EEF2K: variants seen among roughly 807,000 people sequenced by gnomAD.
EEF2K encodes eukaryotic elongation factor 2 kinase.
A neutral mutation model predicts 93.8 loss-of-function variants in EEF2K; 70 were observed. That is an observed-to-expected ratio of 0.75 (90% CI 0.62 to 0.91). The LOEUF (loss-of-function observed/expected upper bound fraction) is 0.91. Among genes scored for constraint, EEF2K ranks in the 40% least tolerant of loss-of-function variants. The probability of loss-of-function intolerance (pLI) is 0.00; values close to 1 mark genes in which losing one functional copy is unlikely to be tolerated. For missense variants in EEF2K, 935 were observed against 972.9 expected (o/e 0.96, Z 0.52); for synonymous variants, 376 against 380.8 (o/e 0.99, Z 0.15).
chr16:22,224,132 G>A (rs1253455895), intron 1 of EEF2K, among the ~76,000 whole-genome samples: 1 of 151,982 alleles, frequency 6.6e-6, no homozygotes, highest in Non-Finnish European at 1.5e-5. Context: ...GCTTGAACTC[G>A]GGAGGCGGAA....
intron 3 of EEF2K, among the ~76,000 whole-genome samples, chr16:22,248,157 C>T (rs748357987): frequency 5.3e-5 from 8 of 152,080 alleles, no homozygotes; most frequent in Non-Finnish European, 8.8e-5. Flanking sequence ...CTCCGCCTCC[C>T]GGGTTCAAGC....
intron 2 of EEF2K, among the ~76,000 whole-genome samples, chr16:22,232,658 G>T (rs944502426): frequency 8.5e-5 from 13 of 152,196 alleles, no homozygotes; most frequent in African/African-American, 3.1e-4. Context: ...CTGACTGCAA[G>T]AGTAGGGTTG....
At chr16:22,226,517 C>CTTTTTTTTTTTTTTTTTTT (rs553013823) in intron 2 of EEF2K, among the ~76,000 whole-genome samples, 28 of 106,868 alleles carry the variant, frequency 2.6e-4, no homozygotes, top group African/African-American at 5.9e-4. Context: ...CCTTCTTCTT[C>CTTTTTTTTTTTTTTTTTTT]TTTTTTTTTT....
intron 16 of EEF2K, among the ~76,000 whole-genome samples, chr16:22,278,041 T>TA (rs372830252): frequency 9.2e-5 from 14 of 151,898 alleles, no homozygotes; most frequent in South Asian, 6.2e-4. Flanking sequence ...TGTGTCTCTA[T>TA]AAAAAAATTT....
rs560137961 is a variant in EEF2K at position 22,260,002 on chromosome 16, C to A, written c.1232-460C>A. On this transcript the variant is annotated intron_variant, in intron 10 of 17. Transcript: ENST00000263026. ...TCCTGACCTCAGGTGATCCACCTGC[C>A]TCGGCCTCCCATAGTTCTGGGATTA... 1.3e-5 allele frequency among the ~76,000 whole-genome samples: 2 copies of A among 152,280 alleles called. 1 individual carries two copies. The highest frequency in any genetic ancestry group is 2.9e-5 in the Non-Finnish European group (2 of 68,018).
Position 22,248,762 on chromosome 16 carries a change from G to A in EEF2K, c.355G>A (p.Ala119Thr), listed in dbSNP as rs1451831528. The change falls in exon 4 of 18, where the codon GCC becomes ACC. Residue 119 changes from alanine to threonine, a missense_variant. By Grantham distance (58) the Ala-to-Thr change is moderately conservative. Coordinates refer to ENST00000263026, the MANE Select transcript of EEF2K (RefSeq NM_013302.5). Reference sequence around the variant, plus strand: ...GTGGATGGGTCTCTGCAGGTACAACGCCGTCACCGGGGAATGGCTGGATGA... The same window carrying A: ...GTGGATGGGTCTCTGCAGGTACAACACCGTCACCGGGGAATGGCTGGATGA... ...TERATRHRYN[A>T]VTGEWLDDEV... 8.1e-6 allele frequency: 13 copies of A among 1,613,778 alleles called. No individual in the cohort carries two copies. Among genetic ancestry groups the A allele is most frequent in the African/African-American group, 1.3e-5 (1 of 74,890 alleles).
chr16:22,220,999 T>A (rs2047006604), intron 1 of EEF2K, among the ~76,000 whole-genome samples: 1 of 152,202 alleles, frequency 6.6e-6, no homozygotes, highest in Admixed American at 6.6e-5. Flanking sequence ...GGGAAGATTC[T>A]GGTGACAAGC....
At chr16:22,266,203 T>C (rs1363230170) in intron 13 of EEF2K, among the ~76,000 whole-genome samples, 187 bp from the exon 14 acceptor site, 1 of 149,966 alleles carries the variant, frequency 6.7e-6, no homozygotes, top group Non-Finnish European at 1.5e-5. Context: ...ACCTGGGCAA[T>C]AGAGTGAGAC....
At chr16:22,210,058 G>T (rs1349945260) in intron 1 of EEF2K, among the ~76,000 whole-genome samples, 1 of 152,208 alleles carries the variant, frequency 6.6e-6, no homozygotes, top group Non-Finnish European at 1.5e-5. Flanking sequence ...GCCTCCCAAA[G>T]TGTTAGGATC....
chr16:22,226,057 T>C, intron 2 of EEF2K, 82 bp downstream of exon 2: 1 of 1,560,366 alleles, frequency 6.4e-7, no homozygotes, highest in Non-Finnish European at 8.7e-7. Context: ...GGTTGGGGAC[T>C]TCTTCGTATT....
chr16:22,283,790 C>A (rs557499974), intron 17 of EEF2K, 97 bp from the exon 18 acceptor site: 2 of 1,188,332 alleles, frequency 1.7e-6, no homozygotes, highest in Non-Finnish European at 2.4e-6. Context: ...CTTAAGGAAA[C>A]GTCAGGGTGT....
intron 5 of EEF2K, 93 bp downstream of exon 5, chr16:22,250,784 G>C: frequency 6.5e-7 from 1 of 1,532,316 alleles, no homozygotes. Flanking sequence ...CCAAGGAATG[G>C]AGCCAGGGGC....
intron 13 of EEF2K, 58 bp from the exon 14 acceptor site, chr16:22,266,332 C>A (rs2047517429): frequency 1.9e-6 from 3 of 1,565,408 alleles, no homozygotes. Flanking sequence ...CTGCTGACAG[C>A]TGTGATGCTG....
chr16:22,280,878 G>C (rs1226552082), intron 17 of EEF2K, among the ~76,000 whole-genome samples: 1 of 152,108 alleles, frequency 6.6e-6, no homozygotes, highest in Non-Finnish European at 1.5e-5. Flanking sequence ...GGCCAGGCTG[G>C]TCTCGAACTC....
At position 22,286,256 on chromosome 16, in the gene EEF2K, T is replaced by C. The variant is rs1567295433; in HGVS notation, c.*2260T>C. On this transcript the variant is annotated 3_prime_UTR_variant, in exon 18 of 18. Transcript: ENST00000263026. ...GTTACATTTTGTGTGTGTGTGTGCGTGTTTTAAACCAGTGCATATAAATTG... is the reference window on the plus strand; with the variant it reads ...GTTACATTTTGTGTGTGTGTGTGCGCGTTTTAAACCAGTGCATATAAATTG... 1 of 152,214 alleles carries C rather than the reference T, an allele frequency of 6.6e-6. No individual in the cohort carries two copies. The highest frequency in any genetic ancestry group is 1.5e-5 in the Non-Finnish European group (1 of 68,028). 9.4% of individuals were successfully genotyped at this position (152,214 alleles called of 1,614,324 possible).
chr16:22,267,774 G>T (rs2047539579), intron 15 of EEF2K, among the ~76,000 whole-genome samples: 1 of 152,168 alleles, frequency 6.6e-6, no homozygotes, highest in Non-Finnish European at 1.5e-5. Context: ...GGCAGAGCTG[G>T]AGCTGAAGCA....
At chr16:22,242,148 T>TA (rs1231245370) in intron 2 of EEF2K, among the ~76,000 whole-genome samples, 5 of 151,924 alleles carry the variant, frequency 3.3e-5, no homozygotes, top group Non-Finnish European at 5.9e-5. Context: ...TATTCCTATT[T>TA]AAAAAACAAA....
intron 1 of EEF2K, among the ~76,000 whole-genome samples, chr16:22,223,262 GTTTTTTT>G (rs58446693): frequency 1.9e-5 from 2 of 107,460 alleles, no homozygotes; most frequent in African/African-American, 6.9e-5. Flanking sequence ...GTTTTTTTCT[GTTTTTTT>G]TTTTTTTTTT....
At position 22,207,054 on chromosome 16, in the gene EEF2K, C is replaced by T. The variant is rs116876457; in HGVS notation, c.-77+375C>T. On this transcript the variant is annotated intron_variant, in intron 1 of 17. Coordinates refer to ENST00000263026, the MANE Select transcript of EEF2K (RefSeq NM_013302.5). Reference sequence around the variant, plus strand: ...CTGCAGGGCTCAGAGCCGCATCCCCCACCTTTCCCCTGAACTAGAGGCCTG... The same window carrying T: ...CTGCAGGGCTCAGAGCCGCATCCCCTACCTTTCCCCTGAACTAGAGGCCTG... Among the ~76,000 whole-genome samples the T allele has an allele frequency of 3.5e-4, 54 of 152,352 alleles. No individual in the cohort carries two copies. In the East Asian group the frequency reaches 6.4e-3, roughly 18 times the overall value.
Sources: allele counts gnomAD v4.1 joint callset (sites outside exome capture counted in the v4.1 genomes callset), GRCh38; gene constraint gnomAD v4.1.1; transcripts MANE v1.5; gene names NCBI Gene and HGNC (gene_info 2026-07-23, HGNC 2026-07-21).